Variants in FHAD1 observed in about 807,000 individuals in gnomAD.
FHAD1 encodes the protein forkhead-associated domain-containing protein 1.
Under a neutral mutation model 191.3 loss-of-function variants are expected in FHAD1, and 146 were observed. The observed-to-expected ratio is 0.76, with a 90% CI of 0.67 to 0.88. The LOEUF is 0.88. Ranked by LOEUF, FHAD1 falls within the 40% of genes least tolerant of loss-of-function variation. The probability of loss-of-function intolerance (pLI) is 0.00; values close to 1 mark genes in which losing one functional copy is unlikely to be tolerated. For missense variants in FHAD1, 1,635 were observed against 1,785.8 expected, an observed-to-expected ratio of 0.92 and a Z score of 1.52; for synonymous variants, 616 against 672.3, an observed-to-expected ratio of 0.92 and a Z score of 1.29.
chr1:15,239,807 G>A (rs1436971444), intron 1 of FHAD1, among the ~76,000 whole-genome samples: 4 of 152,176 alleles, frequency 2.6e-5, no homozygotes, highest in Admixed American at 1.3e-4. Context: ...CATGTGCTGC[G>A]ACTCAAGTAT....
chr1:15,367,481 A>G lies in FHAD1; in HGVS notation c.3173A>G (p.Gln1058Arg). ...SDLRGELNEK[Q>R]KMELEQNVVL... is the part of the protein sequence containing the mutation. ...CTCGCAGGGGAGCTAAACGAGAAGC[A>G]GAAGATGGAACTGGAGCAGAACGTG... is the stretch of plus-strand genomic sequence containing the variant. The change falls in exon 25 of 34, where the codon CAG becomes CGG. Residue 1058 changes from glutamine to arginine, a missense_variant. Gln to Arg is a conservative substitution (Grantham distance 43). Transcript: ENST00000688493. 1 of 1,551,410 alleles carries G rather than the reference A, an allele frequency of 6.4e-7. No homozygotes were observed. Among genetic ancestry groups the G allele is most frequent in the South Asian group, 1.2e-5 (1 of 84,056 alleles).
rs1426114639 is a variant in FHAD1, at chr1:15,276,330, A to G, written c.300+3801A>G. ...ACCTGCCTCCACTGTGAGCCTTCCC[A>G]TGGACAGAAAACCTCCCAAGACCTC... On this transcript the variant is annotated intron_variant, in intron 3 of 33. Transcript: ENST00000688493. This position sits in a 1 kb window ranked among gnomAD's most constrained non-coding sequence, Gnocchi z 4.7. Among the ~76,000 whole-genome samples, 1 of 152,230 alleles carries G rather than the reference A, an allele frequency of 6.6e-6. No individual in the cohort carries two copies. The highest frequency in any genetic ancestry group is 1.5e-5 in the Non-Finnish European group (1 of 68,034).
intron 28 of FHAD1, 54 bp from the exon 29 acceptor site, chr1:15,380,647 T>A: frequency 2.1e-6 from 3 of 1,411,746 alleles, no homozygotes; most frequent in Non-Finnish European, 2.9e-6. Flanking sequence ...CTTCCAGTCA[T>A]AGAAAGTCAT....
At chr1:15,324,308 C>T in intron 10 of FHAD1, 144 bp from the exon 11 acceptor site, 1 of 675,978 alleles carries the variant, frequency 1.5e-6, no homozygotes, top group East Asian at 2.7e-5. Flanking sequence ...CCACCCCGCG[C>T]ACGCCTGTGA....
chr1:15,266,387 G>A (rs370802843), intron 2 of FHAD1, among the ~76,000 whole-genome samples: 4 of 151,786 alleles, frequency 2.6e-5, no homozygotes, highest in Middle Eastern at 3.4e-3. Context: ...TTTCAGGCAT[G>A]AGCCAACATG....
intron 14 of FHAD1, among the ~76,000 whole-genome samples, chr1:15,337,288 T>C (rs1303062719): frequency 6.6e-6 from 1 of 152,108 alleles, no homozygotes; most frequent in Non-Finnish European, 1.5e-5. Context: ...GCCTGGGGGC[T>C]CCTTCTCTCT....
chr1:15,276,705 G>A lies in FHAD1; in HGVS notation c.300+4176G>A, dbSNP rs1360832227. Among the ~76,000 whole-genome samples the A allele has an allele frequency of 6.6e-6, 1 of 152,064 alleles. No individual in the cohort carries two copies. Among genetic ancestry groups the A allele is most frequent in the Admixed American group, 6.6e-5 (1 of 15,264 alleles). Reference sequence around the variant, plus strand: ...TAGTCCCAGCTAGTCAGGAGGCTGAGGCACAAGAATTGCTTGAACCCGGGA... The same window carrying A: ...TAGTCCCAGCTAGTCAGGAGGCTGAAGCACAAGAATTGCTTGAACCCGGGA... On this transcript the variant is annotated intron_variant, in intron 3 of 33. Transcript: ENST00000688493. This position sits in a 1 kb window ranked among gnomAD's most constrained non-coding sequence, Gnocchi z 4.7.
intron 16 of FHAD1, among the ~76,000 whole-genome samples, chr1:15,343,128 C>G (rs901404370): frequency 6.6e-6 from 1 of 152,152 alleles, no homozygotes; most frequent in Non-Finnish European, 1.5e-5. Context: ...AGGGACCCCT[C>G]CCATGAATTT....
intron 18 of FHAD1, 65 bp downstream of exon 18, chr1:15,345,588 C>A: frequency 1.5e-6 from 2 of 1,297,798 alleles, no homozygotes; most frequent in South Asian, 1.3e-5. Context: ...GAAGGAAGTT[C>A]AGAGCGGCGA....
At chr1:15,328,253 TTTC>T in intron 12 of FHAD1, 21 bp from the exon 13 acceptor site, 1 of 1,479,812 alleles carries the variant, frequency 6.8e-7, no homozygotes, top group Non-Finnish European at 9.0e-7. Flanking sequence ...TTTTTTTTTT[TTTC>T]CTTTTTCTTT....
chr1:15,353,954 CG>C (rs1371253401), intron 20 of FHAD1, among the ~76,000 whole-genome samples: 8 of 152,130 alleles, frequency 5.3e-5, no homozygotes, highest in African/African-American at 1.7e-4. Flanking sequence ...TAATTCACTT[CG>C]CCTGAGTCCC....
At chr1:15,350,990 C>T (rs2102458102) in intron 19 of FHAD1, among the ~76,000 whole-genome samples, 1 of 152,320 alleles carries the variant, frequency 6.6e-6, no homozygotes, top group East Asian at 1.9e-4. Flanking sequence ...GGATGGGGTC[C>T]TGAAGCTCAG....
At chr1:15,324,907 A>G (rs1677784256) in intron 11 of FHAD1, 1 of 309,332 alleles carries the variant, frequency 3.2e-6, no homozygotes. Context: ...GACATTTACC[A>G]CAATCTTTCT....
chr1:15,254,884 G>A (rs1573670584), intron 2 of FHAD1, among the ~76,000 whole-genome samples: 1 of 152,136 alleles, frequency 6.6e-6, no homozygotes, highest in Non-Finnish European at 1.5e-5. Context: ...GGGGGACACA[G>A]GTCTGTTTTG....
At chr1:15,317,976 C>G (rs1302684730) in intron 10 of FHAD1, 48 bp downstream of exon 10, 1 of 1,211,820 alleles carries the variant, frequency 8.3e-7, no homozygotes, top group Non-Finnish European at 1.2e-6. Context: ...CGGTAGCTCC[C>G]CACTCATCAT....
In FHAD1 at chr1:15,317,808, G is replaced by C. The variant is rs999890214; in HGVS notation, c.1261-16G>C. 6.5e-7 allele frequency: 1 copy of C among 1,547,198 alleles called. No individual in the cohort carries two copies. Among genetic ancestry groups the C allele is most frequent in the African/African-American group, 1.4e-5 (1 of 72,968 alleles). On this transcript the variant is annotated splice_polypyrimidine_tract_variant and intron_variant, in intron 9 of 33. Coordinates refer to ENST00000688493, the MANE Select transcript of FHAD1 (RefSeq NM_001391957.1). Reference sequence around the variant, plus strand: ...GCCCCCATCAGGGAGGTTCACTCTTGTTGAAACTTTTTCAGCAAATCCAAG... The same window carrying C: ...GCCCCCATCAGGGAGGTTCACTCTTCTTGAAACTTTTTCAGCAAATCCAAG...
intron 31 of FHAD1, chr1:15,383,094 T>C (rs929797038): frequency 6.4e-6 from 3 of 471,644 alleles, no homozygotes; most frequent in Non-Finnish European, 1.3e-5. Flanking sequence ...ATCCCCGCAC[T>C]TATTAACTGT....
At chr1:15,385,566 A>G (rs1307360615) in intron 31 of FHAD1, among the ~76,000 whole-genome samples, 2 of 152,184 alleles carry the variant, frequency 1.3e-5, no homozygotes, top group Non-Finnish European at 2.9e-5. Context: ...CAGGAGGATC[A>G]CTTGAGACCA....
intron 7 of FHAD1, among the ~76,000 whole-genome samples, chr1:15,310,761 GTC>G (rs1490288923): frequency 1.3e-5 from 2 of 152,188 alleles, no homozygotes. Context: ...AGTCCCCCAA[GTC>G]TCAGTGGCTC....
Sources: allele counts gnomAD v4.1 joint callset (sites outside exome capture counted in the v4.1 genomes callset), GRCh38; gene constraint gnomAD v4.1.1; non-coding constraint Gnocchi (gnomAD v3.1); transcripts MANE v1.5; gene names NCBI Gene and HGNC (gene_info 2026-07-23, HGNC 2026-07-21).